PCDHA4: variants seen among roughly 807,000 people sequenced by gnomAD.
PCDHA4 encodes protocadherin alpha-4.
PCDHA4 carries 49 observed loss-of-function variants against 61.4 expected under a neutral mutation model. The ratio of observed to expected loss-of-function variants is 0.80; its 90% CI spans 0.63 to 1.01. The LOEUF is 1.01. Among genes scored for constraint, PCDHA4 ranks in the 50% least tolerant of loss-of-function variants. The probability of loss-of-function intolerance (pLI) is 0.00; values close to 1 mark genes in which losing one functional copy is unlikely to be tolerated. For synonymous variants in PCDHA4, 590 were observed against 550.3 expected (o/e 1.07, Z -1.01); for missense variants, 1,254 against 1,235.8 (o/e 1.01, Z -0.22).
At chr5:140,967,879 T>C in intron 1 of PCDHA4, 1 of 1,614,104 alleles carries the variant, frequency 6.2e-7, no homozygotes, top group Non-Finnish European at 8.5e-7. Context: ...CGGACCTGTA[T>C]AGCCCAGTGC....
intron 1 of PCDHA4, among the ~76,000 whole-genome samples, chr5:140,972,883 C>T (rs1020544230): frequency 1.1e-4 from 16 of 151,884 alleles, no homozygotes; most frequent in African/African-American, 1.7e-4. Context: ...AGGATGGTCT[C>T]GATCTCTTGA....
chr5:140,962,068 G>C (rs2095654419), intron 1 of PCDHA4, among the ~76,000 whole-genome samples: 1 of 151,882 alleles, frequency 6.6e-6, no homozygotes, highest in African/African-American at 2.4e-5. Context: ...GTATTTTTTA[G>C]TAGAGACGGG....
At chr5:140,963,615 T>A (rs2095780964) in intron 1 of PCDHA4, among the ~76,000 whole-genome samples, 1 of 152,248 alleles carries the variant, frequency 6.6e-6, no homozygotes, top group African/African-American at 2.4e-5. Context: ...TGGGAAAGCT[T>A]AACTTTGTTG....
At chr5:140,899,201 G>T (rs1400966236) in intron 1 of PCDHA4, among the ~76,000 whole-genome samples, 5 of 151,818 alleles carry the variant, frequency 3.3e-5, no homozygotes, top group Admixed American at 6.6e-5. Context: ...CTGCCTAATT[G>T]CCCTGGCCAG....
chr5:140,875,654 C>A lies in PCDHA4; in HGVS notation c.2385+66082C>A, dbSNP rs781924559. The stretch of plus-strand genomic sequence containing the variant: ...GGGCTGGAGCTGGCGGAGCTGGTGC[C>A]GCGCCTGTTCCGGGTGGCGTCCAAA... On this transcript the variant is annotated intron_variant, in intron 1 of 3. Transcript: ENST00000530339. 54 of 1,613,584 alleles carry A rather than the reference C, an allele frequency of 3.3e-5. No homozygotes were observed. Among genetic ancestry groups the A allele is most frequent in the African/African-American group, 1.3e-4 (10 of 74,926 alleles).
intron 1 of PCDHA4, chr5:140,875,646 G>T (rs781973102): frequency 6.2e-7 from 1 of 1,613,722 alleles, no homozygotes; most frequent in Non-Finnish European, 8.5e-7. Context: ...AGCTGGCGGA[G>T]CTGGTGCCGC....
chr5:140,851,814 CAG>C, intron 1 of PCDHA4: 1 of 954,570 alleles, frequency 1.0e-6, no homozygotes, highest in Non-Finnish European at 1.3e-6. Flanking sequence ...ATCCATAAGA[CAG>C]AAATCTGTTT....
At chr5:140,836,149 A>G in intron 1 of PCDHA4, 1 of 1,613,754 alleles carries the variant, frequency 6.2e-7, no homozygotes, top group Non-Finnish European at 8.5e-7. Flanking sequence ...GGCGCGGGCC[A>G]TGTGGTGGCG....
Position 140,809,112 on chromosome 5 carries a change from C to T in PCDHA4, c.1925C>T (p.Ala642Val), listed in dbSNP as rs782204017. ...STTRALDETD[A>V]PRHRLLVLVK... Reference sequence around the variant, plus strand: ...ACGCGTGCCCTGGACGAAACGGACGCTCCGCGCCACCGCCTACTGGTACTG... The same window carrying T: ...ACGCGTGCCCTGGACGAAACGGACGTTCCGCGCCACCGCCTACTGGTACTG... Residue 642 changes from alanine (A) to valine (V), a missense_variant, in exon 1 of 4, where the codon GCT becomes GTT. Transcript: ENST00000530339. The T allele has an allele frequency of 1.2e-6, 2 of 1,613,970 alleles. No homozygotes were observed. The highest frequency in any genetic ancestry group is 8.5e-7 in the Non-Finnish European group (1 of 1,179,920).
At chr5:140,858,308 C>T in intron 1 of PCDHA4, 1 of 1,597,268 alleles carries the variant, frequency 6.3e-7, no homozygotes, top group Non-Finnish European at 8.6e-7. Context: ...GCAGAGGCGG[C>T]AGAGGGTGTG....
chr5:140,836,404 A>G (rs2150259922), intron 1 of PCDHA4: 15 of 1,613,772 alleles, frequency 9.3e-6, no homozygotes, highest in Non-Finnish European at 1.2e-5. Flanking sequence ...GAAAGCGGCC[A>G]GGCACCAAAG....
chr5:140,920,387 A>G (rs1163833842), intron 1 of PCDHA4, among the ~76,000 whole-genome samples: 3 of 152,098 alleles, frequency 2.0e-5, no homozygotes, highest in African/African-American at 7.2e-5. Context: ...TCATATTACC[A>G]TCTGGTGTCT....
rs562713934 is a variant in PCDHA4, at chr5:140,967,172, G to A, written c.2386-11777G>A. 1.1e-5 allele frequency: 17 copies of A among 1,612,080 alleles called. No individual in the cohort carries two copies. The highest frequency in any genetic ancestry group is 2.2e-5 in the East Asian group (1 of 44,778). On this transcript the variant is annotated intron_variant, in intron 1 of 3. Coordinates refer to ENST00000530339, the MANE Select transcript of PCDHA4 (RefSeq NM_018907.4). ...CCCCGTGGCGGTGAGCGCCGTTGAG[G>A]TGGAAATATTGGACATCAACGACAA...
chr5:140,828,909 C>A (rs2150160610), intron 1 of PCDHA4: 4 of 1,614,190 alleles, frequency 2.5e-6, no homozygotes, highest in South Asian at 1.1e-5. Context: ...GATGAAGGAG[C>A]GAATGGGGCA....
chr5:140,936,944 T>A (rs900789474), intron 1 of PCDHA4, among the ~76,000 whole-genome samples: 3 of 152,226 alleles, frequency 2.0e-5, no homozygotes, highest in African/African-American at 7.2e-5. Flanking sequence ...AATATCTTAT[T>A]TTGATCTTTA....
At chr5:140,930,711 C>G (rs10214249) in intron 1 of PCDHA4, among the ~76,000 whole-genome samples, 2,020 of 152,280 alleles carry the variant, frequency 0.013, 38 homozygotes, top group African/African-American at 0.046. Flanking sequence ...TATTCTTCCT[C>G]AAGTAATGAT....
intron 1 of PCDHA4, among the ~76,000 whole-genome samples, chr5:140,950,542 A>G (rs1332265340): frequency 1.3e-5 from 2 of 152,014 alleles, no homozygotes; most frequent in Non-Finnish European, 2.9e-5. Flanking sequence ...TTGCTCTTGC[A>G]TGGCTGGGGG....
chr5:140,857,736 C>A (rs1554150585), intron 1 of PCDHA4: 1 of 1,597,364 alleles, frequency 6.3e-7, no homozygotes, highest in Admixed American at 1.7e-5. Flanking sequence ...AACGCTCCCG[C>A]GCTGCTGGCG....
intron 1 of PCDHA4, among the ~76,000 whole-genome samples, chr5:140,951,897 G>A (rs2094651245): frequency 6.6e-6 from 1 of 152,106 alleles, no homozygotes; most frequent in Non-Finnish European, 1.5e-5. Context: ...CTGCCTATGA[G>A]CCTGTAAAAT....
Sources: gnomAD v4.1 joint callset for allele counts (sites outside exome capture counted in the v4.1 genomes callset) on GRCh38, gnomAD v4.1.1 for gene constraint, MANE v1.5 for transcripts, NCBI Gene and HGNC (gene_info 2026-07-23, HGNC 2026-07-21) for gene names.